The following CDH18 variants were observed in gnomAD, a reference collection of about 807,000 sequenced individuals.
The protein encoded by CDH18 is cadherin-18.
A neutral mutation model predicts 67.9 loss-of-function variants in CDH18; 31 were observed. The ratio of observed to expected loss-of-function variants is 0.46; its 90% CI spans 0.34 to 0.62. The LOEUF (loss-of-function observed/expected upper bound fraction) is 0.62. Ranked by LOEUF, CDH18 falls within the 20% of genes least tolerant of loss-of-function variation. The pLI is 0.01. For synonymous variants in CDH18, 362 were observed against 347.2 expected, an observed-to-expected ratio of 1.04 and a Z score of -0.48; for missense variants, 890 against 975.5, an observed-to-expected ratio of 0.91 and a Z score of 1.17.
rs368920842 is a variant in CDH18 at position 20,342,123 on chromosome 5, G to C, written c.-579-86618C>G. ...AAACAAACATAAGATTTTATCATAT[G>C]AGTGGCTGACCTGCAATGAAAGATC... On this transcript the variant is annotated intron_variant, in intron 1 of 14. Coordinates refer to the CDH18 transcript ENST00000507958. Among the ~76,000 whole-genome samples the C allele has an allele frequency of 3.9e-5, 6 of 152,224 alleles. 1 individual carries two copies. In the East Asian group the frequency reaches 1.2e-3, roughly 29 times the overall value.
In CDH18 at chr5:20,394,253, AC is replaced by A. The variant is rs1745103754; in HGVS notation, c.-579-138749del. 2.0e-5 allele frequency among the ~76,000 whole-genome samples: 3 copies of A among 151,954 alleles called. No individual in the cohort carries two copies. The South Asian group carries it at 6.2e-4, about 31-fold the overall frequency. Reference sequence around the variant, plus strand: ...GAGAATATAGAATCCCCCCCAAAAAACAAATAGTTACAACCAATTTGTCTTC... The same window carrying A: ...GAGAATATAGAATCCCCCCCAAAAAAAAATAGTTACAACCAATTTGTCTTC... On this transcript the variant is annotated intron_variant, in intron 1 of 14. Coordinates refer to the CDH18 transcript ENST00000507958.
intron 5 of CDH18, among the ~76,000 whole-genome samples, chr5:19,617,382 G>C (rs1750014276): frequency 6.6e-6 from 1 of 152,158 alleles, no homozygotes; most frequent in South Asian, 2.1e-4. Context: ...CATGTATCCA[G>C]TATTTGCAAA....
chr5:20,449,619 A>G (rs1310518108), intron 1 of CDH18, among the ~76,000 whole-genome samples: 2 of 152,042 alleles, frequency 1.3e-5, no homozygotes, highest in African/African-American at 4.8e-5. Flanking sequence ...TTTTAAAGGA[A>G]GAAAGAATGT....
chr5:19,505,172 C>T (rs1457978547), intron 10 of CDH18, among the ~76,000 whole-genome samples: 1 of 151,974 alleles, frequency 6.6e-6, no homozygotes, highest in African/African-American at 2.4e-5. Context: ...GATTTTGTAT[C>T]CTGAGACTTT....
chr5:20,255,941 T>C (rs1053516621), intron 1 of CDH18, among the ~76,000 whole-genome samples: 1 of 151,898 alleles, frequency 6.6e-6, no homozygotes, highest in Non-Finnish European at 1.5e-5. Context: ...TTTATGATTT[T>C]AATAACTACT....
chr5:20,031,127 C>T (rs1043089849), intron 2 of CDH18, among the ~76,000 whole-genome samples: 4 of 152,012 alleles, frequency 2.6e-5, no homozygotes, highest in Admixed American at 2.6e-4. Context: ...GTGTTTTTAG[C>T]AGAAAGTTAT....
intron 1 of CDH18, among the ~76,000 whole-genome samples, chr5:20,444,728 C>T (rs556906320): frequency 6.6e-6 from 1 of 151,648 alleles, no homozygotes; most frequent in African/African-American, 2.4e-5. Context: ...AATACCAATA[C>T]TCAAGTTAGG....
chr5:20,504,415 T>A (rs931727429), intron 1 of CDH18, among the ~76,000 whole-genome samples: 1 of 152,196 alleles, frequency 6.6e-6, no homozygotes, highest in Admixed American at 6.5e-5. Context: ...CTGAACAACA[T>A]AGTTAAAACA....
At chr5:19,502,018 TC>T (rs1743336347) in intron 11 of CDH18, among the ~76,000 whole-genome samples, 1 of 152,200 alleles carries the variant, frequency 6.6e-6, no homozygotes, top group Non-Finnish European at 1.5e-5. Flanking sequence ...CTTTAAATGT[TC>T]ATATAGATCT....
chr5:19,488,088 G>A (rs2126637690), intron 11 of CDH18, among the ~76,000 whole-genome samples: 1 of 152,176 alleles, frequency 6.6e-6, no homozygotes, highest in Admixed American at 6.5e-5. Context: ...ACTATTATAT[G>A]TCTCATTTTT....
At chr5:19,531,069 G>C (rs774407596) in intron 9 of CDH18, among the ~76,000 whole-genome samples, 96 of 152,224 alleles carry the variant, frequency 6.3e-4, no homozygotes, top group Middle Eastern at 6.8e-3. Flanking sequence ...CTGTAGACCG[G>C]AGCTGTTCCT....
chr5:19,785,680 ATATATATATATATATATATATATAT>A (rs1271435845), intron 3 of CDH18, among the ~76,000 whole-genome samples: 22 of 13,162 alleles, frequency 1.7e-3, no homozygotes, highest in African/African-American at 2.3e-3. Flanking sequence ...AAAAAAAAAA[ATATATATATATATATATATATATAT>A]ATATATATAT....
chr5:20,198,645 T>A (rs1038656270), intron 2 of CDH18, among the ~76,000 whole-genome samples: 19 of 152,078 alleles, frequency 1.2e-4, no homozygotes, highest in Non-Finnish European at 2.4e-4. Context: ...TTTGCATAAA[T>A]AACAAGGAGC....
chr5:20,537,657 C>T (rs1260249950), intron 1 of CDH18, among the ~76,000 whole-genome samples: 3 of 152,060 alleles, frequency 2.0e-5, no homozygotes, highest in Non-Finnish European at 2.9e-5. Flanking sequence ...CAAAGTCTTA[C>T]TATTCAAACA....
chr5:20,072,850 A>G (rs1743602864), intron 2 of CDH18, among the ~76,000 whole-genome samples: 1 of 151,950 alleles, frequency 6.6e-6, no homozygotes, highest in Non-Finnish European at 1.5e-5. Context: ...TATTCCCATG[A>G]AAAATTGGAG....
rs548085413 is a variant in CDH18 at position 19,756,044 on chromosome 5, C to A, written c.229-8808G>T. Among the ~76,000 whole-genome samples the A allele has an allele frequency of 2.0e-5, 3 of 152,206 alleles. No homozygotes were observed. The South Asian group carries it at 6.2e-4, about 32-fold the overall frequency. On this transcript the variant is annotated intron_variant, in intron 3 of 12. Transcript: ENST00000382275. Reference sequence around the variant, plus strand: ...CAAGTACACCCCTTGTCAAGTTGAACCCACACACATCTCCTGAGATCATGC... The same window carrying A: ...CAAGTACACCCCTTGTCAAGTTGAAACCACACACATCTCCTGAGATCATGC...
intron 2 of CDH18, among the ~76,000 whole-genome samples, chr5:19,974,244 G>T (rs1287555241): frequency 6.6e-6 from 1 of 151,994 alleles, no homozygotes; most frequent in Non-Finnish European, 1.5e-5. Flanking sequence ...TAAATAGGCG[G>T]TGTTGTCCCT....
intron 1 of CDH18, among the ~76,000 whole-genome samples, chr5:20,524,483 C>T (rs995566014): frequency 2.0e-5 from 3 of 152,108 alleles, no homozygotes; most frequent in African/African-American, 7.2e-5. Flanking sequence ...TGTATTGCAG[C>T]TACTTCTTTA....
intron 2 of CDH18, among the ~76,000 whole-genome samples, chr5:20,104,307 G>A (rs1445910496): frequency 1.3e-5 from 2 of 152,076 alleles, no homozygotes; most frequent in Non-Finnish European, 2.9e-5. Flanking sequence ...ATGATGTAAT[G>A]AGGAGGAATG....
Sources: allele counts gnomAD v4.1 joint callset (sites outside exome capture counted in the v4.1 genomes callset), GRCh38; gene constraint gnomAD v4.1.1; transcripts MANE v1.5; gene names NCBI Gene and HGNC (gene_info 2026-07-23, HGNC 2026-07-21).